GALNT14: variants seen among roughly 807,000 people sequenced by gnomAD.
GALNT14 encodes UDP-GalNAc:polypeptide N-acetylgalactosaminyltransferase 14.
Under a neutral mutation model 77.5 loss-of-function variants are expected in GALNT14, and 60 were observed. The observed-to-expected ratio is 0.77, with a 90% confidence interval of 0.63 to 0.96. GALNT14 has a LOEUF of 0.96. GALNT14 is among the 40% of genes least tolerant of loss of function. The pLI is 0.00. For synonymous variants in GALNT14, 280 were observed against 281.7 expected, an observed-to-expected ratio of 0.99 and a Z score of 0.06; for missense variants, 710 against 731.0, an observed-to-expected ratio of 0.97 and a Z score of 0.33.
At chr2:31,121,318 G>C (rs1238080084) in intron 1 of GALNT14, among the ~76,000 whole-genome samples, 2 of 152,190 alleles carry the variant, frequency 1.3e-5, no homozygotes, top group African/African-American at 2.4e-5. Flanking sequence ...ATCAAGCCTG[G>C]TGAGGAATAC....
intron 1 of GALNT14, among the ~76,000 whole-genome samples, chr2:31,083,542 C>T (rs1676260972): frequency 6.6e-6 from 1 of 152,204 alleles, no homozygotes; most frequent in African/African-American, 2.4e-5. Flanking sequence ...TGAGTTTCAG[C>T]TGAGCTCAAA....
intron 1 of GALNT14, 43 bp downstream of exon 1, chr2:31,137,915 C>T: frequency 6.4e-7 from 1 of 1,572,654 alleles, no homozygotes; most frequent in Non-Finnish European, 8.6e-7. Flanking sequence ...CGCGCCCTCC[C>T]GCAAGCCACC....
chr2:31,093,250 T>C (rs1234193744), intron 1 of GALNT14, among the ~76,000 whole-genome samples: 1 of 152,168 alleles, frequency 6.6e-6, no homozygotes, highest in Non-Finnish European at 1.5e-5. Flanking sequence ...AAAGAGTTAG[T>C]CCTGGGCTCC....
chr2:30,957,795 G>C (rs931490329), intron 4 of GALNT14, among the ~76,000 whole-genome samples: 2 of 152,168 alleles, frequency 1.3e-5, no homozygotes, highest in African/African-American at 2.4e-5. Context: ...TGTTCTGCTT[G>C]GTTATGATTG....
intron 1 of GALNT14, among the ~76,000 whole-genome samples, chr2:31,131,572 A>G (rs920265464): frequency 1.3e-5 from 2 of 152,158 alleles, no homozygotes; most frequent in Admixed American, 1.3e-4. Flanking sequence ...TTAGAAATGA[A>G]ACAAGGGCTC....
intron 7 of GALNT14, 49 bp downstream of exon 7, chr2:30,945,734 G>T: frequency 6.9e-7 from 1 of 1,449,794 alleles, no homozygotes; most frequent in Non-Finnish European, 9.7e-7. Context: ...AGCAGTGACT[G>T]AGAGGAAAAG....
chr2:30,923,967 G>A, intron 13 of GALNT14, 152 bp downstream of exon 13: 1 of 848,930 alleles, frequency 1.2e-6, no homozygotes. Context: ...CAGTGGCAGA[G>A]TGGGGGGATC....
rs146025165 is a variant in GALNT14, at chr2:31,034,873, G to A, written c.130-41866C>T. 4.3e-4 allele frequency among the ~76,000 whole-genome samples: 66 copies of A among 152,246 alleles called. No individual in the cohort carries two copies. The East Asian group carries it at 0.012, about 28-fold the overall frequency. ...TAACCTATTAGTTATTTAGGAGTGTGTCACTTACTTTCCACATATTTGTGA... is the reference window on the plus strand; with the variant it reads ...TAACCTATTAGTTATTTAGGAGTGTATCACTTACTTTCCACATATTTGTGA... On this transcript the variant is annotated intron_variant, in intron 1 of 14. Transcript: ENST00000349752.
chr2:31,062,632 G>A (rs181884199), intron 1 of GALNT14, among the ~76,000 whole-genome samples: 15 of 152,250 alleles, frequency 9.9e-5, no homozygotes, highest in Non-Finnish European at 1.8e-4. Context: ...TTGAGGAATC[G>A]TCACACTGTC....
At chr2:30,892,989 A>T in the GALNT14 span, among the ~76,000 whole-genome samples, 1 of 152,260 alleles carries the variant, frequency 6.6e-6, no homozygotes, top group African/African-American at 2.4e-5. Context: ...TCAAATTCAA[A>T]TGTTATACCT....
chr2:30,929,263 A>C (rs1665576585), intron 11 of GALNT14, 132 bp downstream of exon 11: 1 of 626,604 alleles, frequency 1.6e-6, no homozygotes, highest in East Asian at 2.9e-5. Context: ...AATAGGAAAG[A>C]AGCCACAGCC....
the GALNT14 span, among the ~76,000 whole-genome samples, chr2:30,903,746 G>C: frequency 3.9e-5 from 6 of 152,350 alleles, no homozygotes; most frequent in Middle Eastern, 6.8e-3. Context: ...GGGAATAGAT[G>C]TGTGTTGCTT....
At chr2:31,121,787 G>A (rs537046774) in intron 1 of GALNT14, among the ~76,000 whole-genome samples, 6 of 152,190 alleles carry the variant, frequency 3.9e-5, no homozygotes, top group Non-Finnish European at 5.9e-5. Flanking sequence ...ATAACATGGC[G>A]TAGAGGTGCT....
intron 13 of GALNT14, among the ~76,000 whole-genome samples, chr2:30,919,290 C>T (rs891266094): frequency 1.2e-4 from 18 of 152,162 alleles, no homozygotes; most frequent in Non-Finnish European, 2.1e-4. Flanking sequence ...ATCTTCAATA[C>T]ACACTCAGAT....
In GALNT14 at chr2:31,062,330, TGTTA is replaced by T. The variant is rs374754169; in HGVS notation, c.130-69327_130-69324del. 1.2e-3 allele frequency among the ~76,000 whole-genome samples: 178 copies of T among 152,336 alleles called. 3 individuals carry two copies. The South Asian group carries it at 0.018, about 15-fold the overall frequency. On this transcript the variant is annotated intron_variant, in intron 1 of 14. Transcript: ENST00000349752. Reference sequence around the variant, plus strand: ...CATGTGGTGTTTGGTTTTCTGTTCCTGTTAGTTTACTGAGAATGATGGTTTCCAG... The same window carrying T: ...CATGTGGTGTTTGGTTTTCTGTTCCTGTTTACTGAGAATGATGGTTTCCAG...
intron 1 of GALNT14, among the ~76,000 whole-genome samples, chr2:31,021,189 A>G (rs1275296345): frequency 1.3e-5 from 2 of 152,144 alleles, no homozygotes; most frequent in Admixed American, 6.5e-5. Context: ...GGCCATGTGG[A>G]GCTGTGGTCA....
intron 2 of GALNT14, among the ~76,000 whole-genome samples, chr2:30,981,781 G>C (rs1359737108): frequency 6.6e-6 from 1 of 152,176 alleles, no homozygotes; most frequent in Admixed American, 6.5e-5. Context: ...CCAGCAGACA[G>C]AGCTGGAACT....
chr2:30,974,714 C>A (rs1049883326), intron 2 of GALNT14, among the ~76,000 whole-genome samples: 1 of 152,210 alleles, frequency 6.6e-6, no homozygotes, highest in Non-Finnish European at 1.5e-5. Context: ...CTCTTTAGGA[C>A]CCTGTGTTCA....
At chr2:31,126,132 T>C (rs1421609168) in intron 1 of GALNT14, among the ~76,000 whole-genome samples, 1 of 152,226 alleles carries the variant, frequency 6.6e-6, no homozygotes, top group Non-Finnish European at 1.5e-5. Flanking sequence ...AGTTTTCTCT[T>C]TAAACATTGT....
Sources: allele counts gnomAD v4.1 joint callset (sites outside exome capture counted in the v4.1 genomes callset), GRCh38; gene constraint gnomAD v4.1.1; transcripts MANE v1.5; gene names NCBI Gene and HGNC (gene_info 2026-07-23, HGNC 2026-07-21).